Variants in GRM8 observed in about 807,000 individuals in gnomAD.
GRM8 encodes the protein glutamate metabotropic receptor 8, also known as metabotropic glutamate receptor 8.
A neutral mutation model predicts 87.2 loss-of-function variants in GRM8; 47 were observed. The observed-to-expected ratio is 0.54, with a 90% CI of 0.43 to 0.69. The LOEUF (loss-of-function observed/expected upper bound fraction) is 0.69, where lower values mean the gene tolerates loss of function less well. Among genes scored for constraint, GRM8 ranks in the 30% least tolerant of loss-of-function variants. GRM8 has a pLI of 0.00. For missense variants in GRM8, 1,019 were observed against 1,139.2 expected (o/e 0.89, Z 1.52); for synonymous variants, 396 against 404.5 (o/e 0.98, Z 0.25).
At chr7:126,449,183 G>C (rs1802344797) in intron 9 of GRM8, among the ~76,000 whole-genome samples, 1 of 151,676 alleles carries the variant, frequency 6.6e-6, no homozygotes, top group Admixed American at 6.6e-5. Context: ...TTTTTTAAAA[G>C]ATAAAGTTTA....
rs531660515 is a variant in GRM8, at chr7:126,850,317, T to G, written c.1156+52225A>C. ...TTTTCAATATCCTTAATTGACCCCTTGTCATCTCCCTGTCCTTTATGTGTT... is the reference window on the plus strand; with the variant it reads ...TTTTCAATATCCTTAATTGACCCCTGGTCATCTCCCTGTCCTTTATGTGTT... On this transcript the variant is annotated intron_variant, in intron 6 of 10. Coordinates refer to ENST00000339582, the MANE Select transcript of GRM8 (RefSeq NM_000845.3). 4.6e-5 allele frequency among the ~76,000 whole-genome samples: 7 copies of G among 152,344 alleles called. No homozygotes were observed. In the East Asian group the frequency reaches 1.4e-3, roughly 29 times the overall value.
At chr7:126,952,810 A>G (rs1753851604) in intron 3 of GRM8, among the ~76,000 whole-genome samples, 1 of 152,136 alleles carries the variant, frequency 6.6e-6, no homozygotes, top group Non-Finnish European at 1.5e-5. Flanking sequence ...AGTTAAGGAA[A>G]GATGAGAAAC....
intron 9 of GRM8, among the ~76,000 whole-genome samples, chr7:126,525,315 T>G (rs1301987369): frequency 6.6e-6 from 1 of 152,128 alleles, no homozygotes; most frequent in Non-Finnish European, 1.5e-5. Context: ...CTATTCCCCC[T>G]GGCCATATCT....
At chr7:127,001,781 C>A (rs1303333517) in intron 3 of GRM8, among the ~76,000 whole-genome samples, 2 of 151,536 alleles carry the variant, frequency 1.3e-5, no homozygotes, top group African/African-American at 2.4e-5. Flanking sequence ...TGGAAAAAAA[C>A]CCAACTATCC....
At chr7:126,655,295 T>A (rs1484933757) in intron 7 of GRM8, among the ~76,000 whole-genome samples, 1 of 152,224 alleles carries the variant, frequency 6.6e-6, no homozygotes, top group Non-Finnish European at 1.5e-5. Flanking sequence ...ATCTTCTCTA[T>A]CCACTTATCC....
At chr7:126,504,586 C>A (rs958064421) in intron 9 of GRM8, among the ~76,000 whole-genome samples, 1 of 151,936 alleles carries the variant, frequency 6.6e-6, no homozygotes, top group African/African-American at 2.4e-5. Flanking sequence ...AATCTGTCTA[C>A]CAAACCCCCA....
chr7:127,174,717 T>G (rs1407558287), intron 2 of GRM8, among the ~76,000 whole-genome samples: 1 of 152,214 alleles, frequency 6.6e-6, no homozygotes, highest in East Asian at 1.9e-4. Context: ...AAGCTAGGAT[T>G]GGGCAAATAC....
chr7:126,512,867 G>A (rs1418513765), intron 9 of GRM8: 1 of 152,054 alleles, frequency 6.6e-6, no homozygotes, highest in Non-Finnish European at 1.5e-5. Context: ...CTGTTACTGG[G>A]GCCATCTCTT....
chr7:126,571,634 T>C (rs981450465), intron 8 of GRM8, among the ~76,000 whole-genome samples: 1 of 152,160 alleles, frequency 6.6e-6, no homozygotes, highest in South Asian at 2.1e-4. Flanking sequence ...TTGATCTGCA[T>C]AGAGTCTGAA....
At chr7:126,875,210 G>A (rs1293243875) in intron 6 of GRM8, among the ~76,000 whole-genome samples, 1 of 151,662 alleles carries the variant, frequency 6.6e-6, no homozygotes, top group Non-Finnish European at 1.5e-5. Flanking sequence ...TAACTTGAAT[G>A]TGGAATAAGT....
At chr7:127,231,925 C>T (rs563559305) in intron 2 of GRM8, among the ~76,000 whole-genome samples, 7 of 151,080 alleles carry the variant, frequency 4.6e-5, no homozygotes, top group South Asian at 2.1e-4. Context: ...GGCGCTGAAA[C>T]GATATTAAAA....
chr7:126,806,930 C>T (rs981316140), intron 6 of GRM8, among the ~76,000 whole-genome samples: 2 of 152,204 alleles, frequency 1.3e-5, no homozygotes, highest in African/African-American at 2.4e-5. Context: ...CCTCGGCCAG[C>T]CCCAGAGAGG....
chr7:126,747,473 A>G (rs1028711090), intron 7 of GRM8, among the ~76,000 whole-genome samples: 3 of 152,014 alleles, frequency 2.0e-5, no homozygotes, highest in African/African-American at 7.2e-5. Context: ...AATCAAGACC[A>G]AACAATCCAT....
chr7:126,518,356 G>A (rs1167199124), intron 9 of GRM8, among the ~76,000 whole-genome samples: 1 of 152,068 alleles, frequency 6.6e-6, no homozygotes, highest in Non-Finnish European at 1.5e-5. Context: ...ATGTGCCACA[G>A]AAAAGTTAGG....
intron 3 of GRM8, among the ~76,000 whole-genome samples, chr7:126,995,469 A>G (rs1457931018): frequency 2.0e-5 from 3 of 152,218 alleles, no homozygotes; most frequent in African/African-American, 7.2e-5. Context: ...CATAACACAA[A>G]GAAGAATTCA....
intron 6 of GRM8, among the ~76,000 whole-genome samples, chr7:126,828,108 T>A (rs149473398): frequency 0.6 from 91,628 of 151,752 alleles, 28,241 homozygotes; most frequent in Non-Finnish European, 0.66. Flanking sequence ...GCTGGATTCG[T>A]TTTGCCAGTA....
At chr7:127,209,136 C>T (rs1383478952) in intron 2 of GRM8, among the ~76,000 whole-genome samples, 5 of 152,324 alleles carry the variant, frequency 3.3e-5, no homozygotes, top group Middle Eastern at 3.4e-3. Context: ...TTTCTCCCTT[C>T]TCTCTACCTC....
At chr7:126,869,631 A>G (rs778242703) in intron 6 of GRM8, 12 of 152,216 alleles carry the variant, frequency 7.9e-5, no homozygotes, top group Non-Finnish European at 1.5e-4. Context: ...GACCAGGTAC[A>G]TTGTCAATGA....
At chr7:126,442,363 ACTC>A (rs1801567600) in intron 10 of GRM8, among the ~76,000 whole-genome samples, 1 of 151,946 alleles carries the variant, frequency 6.6e-6, no homozygotes, top group Non-Finnish European at 1.5e-5. Flanking sequence ...TTTATATAAT[ACTC>A]TCGTATGCCT....
Sources: allele counts gnomAD v4.1 joint callset (sites outside exome capture counted in the v4.1 genomes callset), GRCh38; gene constraint gnomAD v4.1.1; transcripts MANE v1.5; gene names NCBI Gene and HGNC (gene_info 2026-07-23, HGNC 2026-07-21).